POU6F2: variants seen among roughly 807,000 people sequenced by gnomAD.
POU6F2 encodes the protein POU domain, class 6, transcription factor 2.
Under a neutral mutation model 71.3 loss-of-function variants are expected in POU6F2, and 31 were observed. The observed-to-expected ratio is 0.43, with a 90% CI of 0.33 to 0.59. The LOEUF is 0.59. Among genes scored for constraint, POU6F2 ranks in the 20% least tolerant of loss-of-function variants. The pLI is 0.04. For missense variants in POU6F2, 783 were observed against 856.8 expected (o/e 0.91, Z 1.07); for synonymous variants, 347 against 355.7 (o/e 0.98, Z 0.27).
chr7:39,212,686 A>G (rs748186465), intron 4 of POU6F2, among the ~76,000 whole-genome samples: 1 of 152,104 alleles, frequency 6.6e-6, no homozygotes, highest in Non-Finnish European at 1.5e-5. Context: ...ATAGCCATAA[A>G]CTCCAAAGAA....
chr7:39,184,534 C>G (rs183404920), intron 2 of POU6F2, among the ~76,000 whole-genome samples: 2 of 152,228 alleles, frequency 1.3e-5, no homozygotes, highest in East Asian at 3.8e-4. Context: ...CTGACACAGT[C>G]TCAGCCCTGG....
At chr7:39,394,634 A>G (rs1787137243) in intron 5 of POU6F2, among the ~76,000 whole-genome samples, 1 of 152,202 alleles carries the variant, frequency 6.6e-6, no homozygotes, top group African/African-American at 2.4e-5. Flanking sequence ...CATTCAGAGC[A>G]TAGCCAGCTT....
intron 1 of POU6F2, among the ~76,000 whole-genome samples, chr7:39,035,917 A>G (rs1395046456): frequency 2.6e-5 from 1 of 38,226 alleles, no homozygotes; most frequent in Non-Finnish European, 5.5e-5. Flanking sequence ...GCATTCAAAT[A>G]AACATTTTTT....
intron 1 of POU6F2, among the ~76,000 whole-genome samples, chr7:39,051,596 T>C (rs1790401648): frequency 6.6e-6 from 1 of 152,162 alleles, no homozygotes; most frequent in East Asian, 1.9e-4. Context: ...AATTGAACAA[T>C]GTTTGAATAA....
intron 2 of POU6F2, among the ~76,000 whole-genome samples, chr7:39,098,711 G>T (rs1338470477): frequency 6.6e-6 from 1 of 152,188 alleles, no homozygotes; most frequent in East Asian, 1.9e-4. Flanking sequence ...CCCCATCTCT[G>T]CATGGAGGTA....
At chr7:39,040,889 G>A (rs1379742308) in intron 1 of POU6F2, among the ~76,000 whole-genome samples, 15 of 151,740 alleles carry the variant, frequency 9.9e-5, no homozygotes, top group Admixed American at 8.6e-4. Flanking sequence ...TCACACAAAC[G>A]CATACACTTT....
chr7:39,346,037 C>T (rs1393766529), intron 5 of POU6F2, among the ~76,000 whole-genome samples: 2 of 152,122 alleles, frequency 1.3e-5, no homozygotes, highest in African/African-American at 4.8e-5. Context: ...ATAAACATAA[C>T]ATATTTATCC....
chr7:39,295,680 T>G (rs559603879), intron 4 of POU6F2, among the ~76,000 whole-genome samples: 13 of 152,312 alleles, frequency 8.5e-5, no homozygotes, highest in Admixed American at 8.5e-4. Context: ...GATAGAGTAG[T>G]CCTGTGTGTT....
Position 39,457,151 on chromosome 7 carries a change from C to T in POU6F2, c.1490-3396C>T, listed in dbSNP as rs796552625. On this transcript the variant is annotated intron_variant, in intron 8 of 9. Transcript: ENST00000518318. ...AGTAAGGACACATAAACAATAGAGA[C>T]GGCAGAGGAAGGGAAGAAAGATTAG... is the stretch of plus-strand genomic sequence containing the variant. Among the ~76,000 whole-genome samples, 14 of 152,268 alleles carry T rather than the reference C, an allele frequency of 9.2e-5. 1 individual carries two copies. The highest frequency in any genetic ancestry group is 2.9e-4 in the African/African-American group (12 of 41,534).
chr7:39,001,536 T>C (rs1424189594), intron 1 of POU6F2, among the ~76,000 whole-genome samples: 2 of 152,110 alleles, frequency 1.3e-5, no homozygotes, highest in Non-Finnish European at 2.9e-5. Context: ...TGAATTATGA[T>C]TGAGGATGGG....
chr7:39,390,169 G>A (rs537064207), intron 5 of POU6F2, among the ~76,000 whole-genome samples: 19 of 152,240 alleles, frequency 1.2e-4, no homozygotes, highest in African/African-American at 3.1e-4. Flanking sequence ...GCTGAGGCAG[G>A]TGGATCACTT....
intron 1 of POU6F2, 82 bp from the exon 2 acceptor site, chr7:39,085,772 GAAGAGA>G: frequency 7.6e-7 from 1 of 1,308,810 alleles, no homozygotes; most frequent in Non-Finnish European, 1.1e-6. Flanking sequence ...GAGAGAGAGA[GAAGAGA>G]GAGGGAGAGG....
chr7:39,293,331 C>T (rs1044960511), intron 4 of POU6F2, among the ~76,000 whole-genome samples: 4 of 152,086 alleles, frequency 2.6e-5, no homozygotes, highest in African/African-American at 9.7e-5. Flanking sequence ...AGGGCGAGCT[C>T]GTTAATGGAG....
chr7:39,148,773 C>T (rs1326263978), intron 2 of POU6F2, among the ~76,000 whole-genome samples: 1 of 152,198 alleles, frequency 6.6e-6, no homozygotes, highest in Non-Finnish European at 1.5e-5. Flanking sequence ...TAGTGAAACA[C>T]AGATCTGCCA....
chr7:39,366,235 A>G (rs957206982), intron 5 of POU6F2, among the ~76,000 whole-genome samples: 1 of 152,152 alleles, frequency 6.6e-6, no homozygotes, highest in African/African-American at 2.4e-5. Flanking sequence ...GGGTGTGGTC[A>G]TTGACAATAC....
intron 6 of POU6F2, among the ~76,000 whole-genome samples, chr7:39,425,427 TCTC>T (rs1787946351): frequency 6.6e-6 from 1 of 152,182 alleles, no homozygotes; most frequent in Non-Finnish European, 1.5e-5. Flanking sequence ...TGTCAAAACT[TCTC>T]CTGACTCTTC....
At chr7:39,130,147 GGTGT>G (rs10600961) in intron 2 of POU6F2, among the ~76,000 whole-genome samples, 3,171 of 143,258 alleles carry the variant, frequency 0.022, 78 homozygotes, top group South Asian at 0.056. Flanking sequence ...GAAAGGGGTA[GGTGT>G]GTGTGTGTGT....
At chr7:39,211,521 T>C (rs1171325619) in intron 4 of POU6F2, among the ~76,000 whole-genome samples, 3 of 152,202 alleles carry the variant, frequency 2.0e-5, no homozygotes, top group East Asian at 3.9e-4. Context: ...AAAGACCTTA[T>C]AACTCAGCAG....
intron 4 of POU6F2, among the ~76,000 whole-genome samples, chr7:39,337,432 G>A (rs1310350521): frequency 6.6e-6 from 1 of 152,098 alleles, no homozygotes; most frequent in African/African-American, 2.4e-5. Flanking sequence ...TAAATACCAG[G>A]GAAGAAAGTA....
Sources: allele counts gnomAD v4.1 joint callset (sites outside exome capture counted in the v4.1 genomes callset), GRCh38; gene constraint gnomAD v4.1.1; transcripts MANE v1.5; gene names NCBI Gene and HGNC (gene_info 2026-07-23, HGNC 2026-07-21).